PHF21B: variants seen among roughly 807,000 people sequenced by gnomAD.
PHF21B encodes the protein PHD finger protein 21B.
A neutral mutation model predicts 62.2 loss-of-function variants in PHF21B; 22 were observed. The ratio of observed to expected loss-of-function variants is 0.35; its 90% CI spans 0.25 to 0.51. PHF21B has a LOEUF of 0.51. PHF21B is among the 20% of genes least tolerant of loss of function. The pLI is 0.97. For missense variants in PHF21B, 701 were observed against 707.9 expected, an observed-to-expected ratio of 0.99 and a Z score of 0.11; for synonymous variants, 341 against 314.7, an observed-to-expected ratio of 1.08 and a Z score of -0.88.
chr22:44,931,173 G>A (rs2147339451), intron 2 of PHF21B, among the ~76,000 whole-genome samples: 1 of 152,274 alleles, frequency 6.6e-6, no homozygotes, highest in East Asian at 1.9e-4. Flanking sequence ...ACCCATCTCG[G>A]CCTCCCAAAG....
intron 2 of PHF21B, among the ~76,000 whole-genome samples, chr22:44,973,710 ACAT>A (rs1349865468): frequency 2.0e-5 from 3 of 151,580 alleles, no homozygotes; most frequent in Non-Finnish European, 4.4e-5. Context: ...AACACAACTA[ACAT>A]ATACAGAGTA....
intron 2 of PHF21B, among the ~76,000 whole-genome samples, chr22:45,007,076 T>C (rs939846225): frequency 1.9e-4 from 28 of 149,692 alleles, no homozygotes; most frequent in African/African-American, 6.6e-4. Flanking sequence ...AAGCTTCCAC[T>C]CCCGGACGGG....
intron 2 of PHF21B, among the ~76,000 whole-genome samples, chr22:45,006,377 ACT>A (rs927474300): frequency 1.3e-5 from 2 of 152,102 alleles, no homozygotes; most frequent in African/African-American, 2.4e-5. Flanking sequence ...TTAAACACAC[ACT>A]CACACACACA....
chr22:44,908,226 G>T (rs1431745634), intron 5 of PHF21B, among the ~76,000 whole-genome samples: 1 of 152,198 alleles, frequency 6.6e-6, no homozygotes, highest in Non-Finnish European at 1.5e-5. Context: ...TCTGAGGCCA[G>T]AAGCTAGAGT....
At chr22:44,918,128 C>G (rs1330069391) in intron 3 of PHF21B, among the ~76,000 whole-genome samples, 1 of 152,240 alleles carries the variant, frequency 6.6e-6, no homozygotes, top group Non-Finnish European at 1.5e-5. Flanking sequence ...AAAAATCCAT[C>G]TTCTCGTTCC....
chr22:45,009,102 C>T lies in PHF21B; in HGVS notation c.54+394G>A. 2 of 999,318 alleles carry T rather than the reference C, an allele frequency of 2.0e-6. No individual in the cohort carries two copies. Among genetic ancestry groups the T allele is most frequent in the Non-Finnish European group, 2.5e-6 (2 of 795,936 alleles). The allele number at this position is 999,318 out of a possible 1,614,324, so 61.9% of individuals were successfully genotyped here. ...CCAGCAGCGATCGCCAAAACTACTT[C>T]TGCACACCGGGCAGGTTCGCCCGGG... On this transcript the variant is annotated intron_variant, in intron 1 of 12. Coordinates refer to ENST00000313237, the MANE Select transcript of PHF21B (RefSeq NM_138415.5). The surrounding 1 kb of genome is among the most constrained non-coding windows in gnomAD (Gnocchi z 5.9).
chr22:44,947,912 C>T (rs2072107938), intron 2 of PHF21B, among the ~76,000 whole-genome samples: 1 of 144,142 alleles, frequency 6.9e-6, no homozygotes, highest in Non-Finnish European at 1.5e-5. Flanking sequence ...GGAACTCCTC[C>T]TGCATCCACA....
intron 2 of PHF21B, among the ~76,000 whole-genome samples, chr22:44,999,392 C>G (rs1384659292): frequency 6.6e-6 from 1 of 152,114 alleles, no homozygotes; most frequent in African/African-American, 2.4e-5. Flanking sequence ...GTGCTGCAGA[C>G]TCCTCTCCAC....
intron 12 of PHF21B, among the ~76,000 whole-genome samples, chr22:44,884,346 ATCACCACCACGATCACCAACG>A (rs1456251908): frequency 8.9e-6 from 1 of 112,812 alleles, no homozygotes; most frequent in Admixed American, 8.4e-5. Context: ...CATTAGCACC[ATCACCACCACGATCACCAACG>A]TCACCACCAC....
chr22:44,947,924 C>A lies in PHF21B; in HGVS notation c.121-27434G>T, dbSNP rs577766417. ...GGAGGAACTCCTCCTGCATCCACAC[C>A]CAGACAATGACCGCTGAGTTCAGGA... On this transcript the variant is annotated intron_variant, in intron 2 of 12. Coordinates refer to ENST00000313237, the MANE Select transcript of PHF21B (RefSeq NM_138415.5). Among the ~76,000 whole-genome samples the A allele has an allele frequency of 3.7e-4, 52 of 139,328 alleles. 1 individual carries two copies. The South Asian group carries it at 4.4e-3, about 12-fold the overall frequency. The allele number at this position is 139,328 out of a possible 152,430, so 91.4% of individuals were successfully genotyped here. A position where few individuals can be genotyped will look rare whatever the true frequency, so the allele number is the denominator to read the frequency against.
chr22:44,982,843 C>T (rs2072868029), intron 2 of PHF21B, among the ~76,000 whole-genome samples: 1 of 152,152 alleles, frequency 6.6e-6, no homozygotes, highest in African/African-American at 2.4e-5. Context: ...GCACCTGGGG[C>T]TACCAGGAGG....
chr22:44,906,768 C>CA (rs1470113580), intron 5 of PHF21B, among the ~76,000 whole-genome samples: 4 of 152,204 alleles, frequency 2.6e-5, no homozygotes, highest in African/African-American at 9.7e-5. Context: ...ATTCCTGCCC[C>CA]CCGCTACTGT....
In PHF21B at chr22:44,882,286, GA is replaced by G. The variant is rs1184868781; in HGVS notation, c.*799del. ...CAGGGTTGCAGCTCCACTCTGCCCA[GA>G]AACTCCATGAGAAAAACGCATCAAC... On this transcript the variant is annotated 3_prime_UTR_variant, in exon 13 of 13. Transcript: ENST00000313237. 6.6e-6 allele frequency: 1 copy of G among 152,638 alleles called. No homozygotes were observed. The highest frequency in any genetic ancestry group is 2.4e-5 in the African/African-American group (1 of 41,416). The allele number at this position is 152,638 out of a possible 1,614,324, so 9.5% of individuals were successfully genotyped here.
At chr22:44,957,028 G>A (rs1435908158) in intron 2 of PHF21B, among the ~76,000 whole-genome samples, 1 of 152,126 alleles carries the variant, frequency 6.6e-6, no homozygotes, top group Non-Finnish European at 1.5e-5. Context: ...CTGGTGGTGG[G>A]AGCTGTACCC....
chr22:44,882,832 A>T lies in PHF21B; in HGVS notation c.*254T>A. On this transcript the variant is annotated 3_prime_UTR_variant, in exon 13 of 13. Coordinates refer to ENST00000313237, the MANE Select transcript of PHF21B (RefSeq NM_138415.5). ...AGGCAGCCCCGAGGTGGCCGGGGGG[A>T]GACTGTGTGCCCCAGCCTGTCGTAC... is the stretch of plus-strand genomic sequence containing the variant. 2.2e-6 allele frequency: 1 copy of T among 444,818 alleles called. No homozygotes were observed. Among genetic ancestry groups the T allele is most frequent in the Non-Finnish European group, 4.0e-6 (1 of 250,820 alleles). 27.6% of individuals were successfully genotyped at this position (444,818 alleles called of 1,614,324 possible).
At chr22:44,996,143 C>T (rs917427698) in intron 2 of PHF21B, among the ~76,000 whole-genome samples, 11 of 152,194 alleles carry the variant, frequency 7.2e-5, no homozygotes, top group Non-Finnish European at 1.3e-4. Context: ...CATGCTGCCC[C>T]CAGCTGAGGG....
intron 2 of PHF21B, among the ~76,000 whole-genome samples, chr22:44,994,660 G>A (rs938206432): frequency 6.6e-6 from 1 of 152,112 alleles, no homozygotes; most frequent in African/African-American, 2.4e-5. Flanking sequence ...CACAACCCCC[G>A]GGCTCACACA....
intron 2 of PHF21B, among the ~76,000 whole-genome samples, chr22:44,930,261 A>T (rs745460): frequency 1.3e-5 from 2 of 152,020 alleles, no homozygotes; most frequent in African/African-American, 2.4e-5. Context: ...TGGAGGGGAG[A>T]GGGAGAGGAG....
At chr22:44,993,544 G>A (rs936901534) in intron 2 of PHF21B, among the ~76,000 whole-genome samples, 4 of 152,236 alleles carry the variant, frequency 2.6e-5, no homozygotes, top group African/African-American at 7.2e-5. Flanking sequence ...GTCCAGAACC[G>A]CTCCCACACA....
Sources: gnomAD v4.1 joint callset for allele counts (sites outside exome capture counted in the v4.1 genomes callset) on GRCh38, gnomAD v4.1.1 for gene constraint, Gnocchi (gnomAD v3.1) non-coding constraint, MANE v1.5 for transcripts, NCBI Gene and HGNC (gene_info 2026-07-23, HGNC 2026-07-21) for gene names.